Variants in YTHDC2 observed in about 807,000 individuals in gnomAD.
YTHDC2 encodes 3'-5' RNA helicase YTHDC2.
YTHDC2 carries 45 observed loss-of-function variants against 174.9 expected under a neutral mutation model. The observed-to-expected ratio is 0.26, with a 90% CI of 0.20 to 0.33. The LOEUF (loss-of-function observed/expected upper bound fraction) is 0.33. YTHDC2 is among the 10% of genes least tolerant of loss of function. The pLI, the probability that YTHDC2 is intolerant of heterozygous loss-of-function variation, is 1.00. For missense variants in YTHDC2, 1,650 were observed against 1,723.7 expected, an observed-to-expected ratio of 0.96 and a Z score of 0.76; for synonymous variants, 657 against 574.5, an observed-to-expected ratio of 1.14 and a Z score of -2.05.
In YTHDC2 at chr5:113,594,123, C is replaced by A. The variant is rs1450418435; in HGVS notation, c.*649C>A. On this transcript the variant is annotated 3_prime_UTR_variant, in exon 30 of 30. Coordinates refer to ENST00000161863, the MANE Select transcript of YTHDC2 (RefSeq NM_022828.5). Reference sequence around the variant, plus strand: ...TCTGAATAAAGGGCAAAGTTTCTTCCTGATCAGATTAGATTAAGTGCTTAG... The same window carrying A: ...TCTGAATAAAGGGCAAAGTTTCTTCATGATCAGATTAGATTAAGTGCTTAG... 6 of 152,132 alleles carry A rather than the reference C, an allele frequency of 3.9e-5. No homozygotes were observed. Among genetic ancestry groups the A allele is most frequent in the African/African-American group, 1.4e-4 (6 of 41,426 alleles). 9.4% of individuals were successfully genotyped at this position (152,132 alleles called of 1,614,324 possible). A position where few individuals can be genotyped will look rare whatever the true frequency, so the allele number is the denominator to read the frequency against.
At chr5:113,526,504 T>C in intron 3 of YTHDC2, 82 bp from the exon 4 acceptor site, 1 of 1,180,334 alleles carries the variant, frequency 8.5e-7, no homozygotes, top group Non-Finnish European at 1.2e-6. Context: ...TTTTCTAGGT[T>C]TGGCAAAAAA....
chr5:113,548,753 A>G (rs1348579195), intron 11 of YTHDC2, 86 bp downstream of exon 11: 2 of 1,394,260 alleles, frequency 1.4e-6, no homozygotes, highest in East Asian at 5.0e-5. Flanking sequence ...TCTTTATATT[A>G]AAAACTATTG....
At chr5:113,580,462 C>T (rs1038016838) in intron 24 of YTHDC2, among the ~76,000 whole-genome samples, 2 of 152,156 alleles carry the variant, frequency 1.3e-5, no homozygotes, top group Admixed American at 1.3e-4. Context: ...TACAAATTTT[C>T]ATGACAAAGC....
In YTHDC2 at chr5:113,561,762, C is replaced by T. The variant is rs149090838; in HGVS notation, c.2322+577C>T. Among the ~76,000 whole-genome samples, 12 of 152,196 alleles carry T rather than the reference C, an allele frequency of 7.9e-5. No homozygotes were observed. The East Asian group carries it at 2.3e-3, about 29-fold the overall frequency. On this transcript the variant is annotated intron_variant, in intron 18 of 29. Transcript: ENST00000161863. The stretch of plus-strand genomic sequence containing the variant: ...GATTACAGGTGTGAGCCACCGCACC[C>T]AGCCATATTTTTTTAAATGCAGCAT...
At chr5:113,562,245 G>A (rs1777040738) in intron 18 of YTHDC2, among the ~76,000 whole-genome samples, 1 of 133,366 alleles carries the variant, frequency 7.5e-6, no homozygotes, top group Admixed American at 7.8e-5. Context: ...TAAATTGCCT[G>A]TTCCTGCCTG....
rs1389151050 is a variant in YTHDC2 at position 113,545,930 on chromosome 5, C to T, written c.1496-2611C>T. On this transcript the variant is annotated intron_variant, in intron 10 of 29. Transcript: ENST00000161863. ...TAATTTTTTGTATTTTTAGTAGAGACGGGGTTTCACCGTTTTAGCCGGGAT... is the reference window on the plus strand; with the variant it reads ...TAATTTTTTGTATTTTTAGTAGAGATGGGGTTTCACCGTTTTAGCCGGGAT... 1.0e-4 allele frequency among the ~76,000 whole-genome samples: 7 copies of T among 68,358 alleles called. 2 individuals carry two copies. The highest frequency in any genetic ancestry group is 3.4e-4 in the South Asian group (1 of 2,930). 44.8% of individuals were successfully genotyped at this position (68,358 alleles called of 152,430 possible). A position where few individuals can be genotyped will look rare whatever the true frequency, so the allele number is the denominator to read the frequency against.
At chr5:113,578,386 T>TGTTTC (rs1361988354) in intron 23 of YTHDC2, among the ~76,000 whole-genome samples, 7 of 146,822 alleles carry the variant, frequency 4.8e-5, no homozygotes, top group African/African-American at 1.7e-4. Flanking sequence ...TGTTTTGTTT[T>TGTTTC]GTTTTGTTTT....
At chr5:113,535,274 C>G (rs1774975746) in intron 6 of YTHDC2, among the ~76,000 whole-genome samples, 1 of 151,928 alleles carries the variant, frequency 6.6e-6, no homozygotes, top group South Asian at 2.1e-4. Context: ...TTACACTGTA[C>G]TAGGTAATAT....
intron 23 of YTHDC2, among the ~76,000 whole-genome samples, chr5:113,576,108 T>G (rs1778030516): frequency 6.6e-6 from 1 of 152,146 alleles, no homozygotes; most frequent in Non-Finnish European, 1.5e-5. Flanking sequence ...AAGTAAATTT[T>G]TTTTTAGGAA....
intron 24 of YTHDC2, chr5:113,579,953 T>A (rs1472815966): frequency 1.0e-5 from 10 of 979,676 alleles, no homozygotes. Context: ...TATAGTAATT[T>A]ATAAAGAACA....
chr5:113,578,260 G>C (rs985049425), intron 23 of YTHDC2, among the ~76,000 whole-genome samples: 1 of 151,860 alleles, frequency 6.6e-6, no homozygotes, highest in African/African-American at 2.4e-5. Context: ...TGGTGCAGTA[G>C]TCATAGCTCA....
At chr5:113,575,057 TG>T (rs34657395) in intron 23 of YTHDC2, among the ~76,000 whole-genome samples, 17,674 of 152,210 alleles carry the variant, frequency 0.12, 1,147 homozygotes, top group African/African-American at 0.14. Flanking sequence ...TGGGTTGATT[TG>T]TATGTATGCC....
chr5:113,585,573 C>T (rs1778634853), intron 26 of YTHDC2, among the ~76,000 whole-genome samples: 1 of 151,676 alleles, frequency 6.6e-6, no homozygotes, highest in Non-Finnish European at 1.5e-5. Context: ...GTAACTATAC[C>T]ACAATCATCT....
At chr5:113,574,491 G>A (rs1241625640) in intron 23 of YTHDC2, among the ~76,000 whole-genome samples, 2 of 152,162 alleles carry the variant, frequency 1.3e-5, no homozygotes, top group Non-Finnish European at 2.9e-5. Flanking sequence ...GATACAGCAG[G>A]TGTGCTGCAT....
intron 23 of YTHDC2, among the ~76,000 whole-genome samples, chr5:113,570,227 G>C (rs1561688239): frequency 6.6e-6 from 1 of 151,984 alleles, no homozygotes; most frequent in East Asian, 1.9e-4. Context: ...CTCCTGAGTA[G>C]CTGGGATTAC....
Position 113,519,796 on chromosome 5 carries a change from T to C in YTHDC2, c.278+4434T>C, listed in dbSNP as rs1027779510. 2.0e-5 allele frequency among the ~76,000 whole-genome samples: 3 copies of C among 152,356 alleles called. No individual in the cohort carries two copies. In the East Asian group the frequency reaches 5.8e-4, roughly 29 times the overall value. On this transcript the variant is annotated intron_variant, in intron 2 of 29. Coordinates refer to ENST00000161863, the MANE Select transcript of YTHDC2 (RefSeq NM_022828.5). ...CAATGGTTTTTTAAAAAATTCATTATATAAATTTAATCAAGATTAGAAATT... is the reference window on the plus strand; with the variant it reads ...CAATGGTTTTTTAAAAAATTCATTACATAAATTTAATCAAGATTAGAAATT...
intron 9 of YTHDC2, among the ~76,000 whole-genome samples, chr5:113,541,928 T>C (rs1400893409): frequency 6.6e-6 from 1 of 152,150 alleles, no homozygotes; most frequent in Non-Finnish European, 1.5e-5. Flanking sequence ...CTGTATATTT[T>C]GTCACCTGAG....
intron 22 of YTHDC2, 26 bp downstream of exon 22, chr5:113,567,323 T>G: frequency 6.4e-7 from 1 of 1,573,158 alleles, no homozygotes; most frequent in Non-Finnish European, 8.6e-7. Flanking sequence ...TGCTGTTGGG[T>G]TTTGAGGTGA....
At chr5:113,524,385 C>T (rs1007383153) in intron 2 of YTHDC2, among the ~76,000 whole-genome samples, 2 of 152,104 alleles carry the variant, frequency 1.3e-5, no homozygotes, top group Non-Finnish European at 1.5e-5. Context: ...TACAAATCAT[C>T]ATTACCTTAT....
Sources: allele counts gnomAD v4.1 joint callset (sites outside exome capture counted in the v4.1 genomes callset), GRCh38; gene constraint gnomAD v4.1.1; transcripts MANE v1.5; gene names NCBI Gene and HGNC (gene_info 2026-07-23, HGNC 2026-07-21).